The following HOXA10 variants were observed in gnomAD, a reference collection of about 807,000 sequenced individuals.
The protein encoded by HOXA10 is homeobox A10.
In HOXA10, 12 loss-of-function variants were observed where a neutral mutation model predicts 29.7. The observed-to-expected ratio is 0.40, with a 90% confidence interval of 0.26 to 0.65. The LOEUF is 0.65. Among genes scored for constraint, HOXA10 ranks in the 30% least tolerant of loss-of-function variants. The pLI is 0.37. For missense variants in HOXA10, 656 were observed against 585.9 expected (o/e 1.12, Z -1.24); for synonymous variants, 327 against 280.7 (o/e 1.16, Z -1.65).
upstream of HOXA10, among the ~76,000 whole-genome samples, chr7:27,177,616 A>G (rs1249196137): frequency 6.6e-6 from 1 of 152,212 alleles, no homozygotes; most frequent in Non-Finnish European, 1.5e-5. Flanking sequence ...CTGGAGTGTT[A>G]GGTTTCTCAA....
Position 27,179,522 on chromosome 7 carries a change from G to C in HOXA10, c.10+124C>G, listed in dbSNP as rs994875647. On this transcript the variant is annotated intron_variant, in intron 1 of 1. Transcript: ENST00000396344. ...CTTTCCAACCTTAGGGAGCAATGGG[G>C]TGGGGGCTCCCTACCGCGTCACCCC... is the stretch of plus-strand genomic sequence containing the variant. 72 of 707,226 alleles carry C rather than the reference G, an allele frequency of 1.0e-4. No individual in the cohort carries two copies. In the Admixed American group the frequency reaches 1.4e-3, roughly 14 times the overall value. 43.8% of individuals were successfully genotyped at this position (707,226 alleles called of 1,614,324 possible).
chr7:27,173,537 G>C lies in HOXA10; in HGVS notation c.770C>G (p.Ala257Gly), dbSNP rs1361411237. 1.4e-6 allele frequency: 2 copies of C among 1,454,188 alleles called. No homozygotes were observed. The highest frequency in any genetic ancestry group is 3.0e-5 in the African/African-American group (2 of 66,962). 90.1% of individuals were successfully genotyped at this position (1,454,188 alleles called of 1,614,324 possible). A position where few individuals can be genotyped will look rare whatever the true frequency, so the allele number is the denominator to read the frequency against. Reference protein sequence around the residue: ...GRGFDLPPALASGSADAARKE... With the variant: ...GRGFDLPPALGSGSADAARKE... ...CCGGGCCGCATCGGCCGAGCCGGAGGCTAGCGCGGGCGGGAGATCGAAACC... is the reference window on the plus strand; with the variant it reads ...CCGGGCCGCATCGGCCGAGCCGGAGCCTAGCGCGGGCGGGAGATCGAAACC... The change falls in exon 1 of 2, where the codon GCC becomes GGC. Residue 257 changes from alanine (A) to glycine (G), a missense_variant. By Grantham distance (60) the Ala-to-Gly change is moderately conservative (BLOSUM62 0). Coordinates refer to ENST00000283921, the MANE Select transcript of HOXA10 (RefSeq NM_018951.4).
chr7:27,172,320 G>A, intron 1 of HOXA10, 147 bp from the exon 2 acceptor site: 1 of 763,746 alleles, frequency 1.3e-6, no homozygotes, highest in South Asian at 1.6e-5. Context: ...CTTGCTGAGA[G>A]CAAGCAGTTC....
chr7:27,176,792 G>A (rs939753456), upstream of HOXA10, among the ~76,000 whole-genome samples: 1 of 152,214 alleles, frequency 6.6e-6, no homozygotes. Flanking sequence ...AAAAGACAAT[G>A]ATCTTAACCT....
upstream of HOXA10, among the ~76,000 whole-genome samples, chr7:27,175,770 G>T (rs192320434): frequency 6.6e-6 from 1 of 152,354 alleles, no homozygotes; most frequent in Admixed American, 6.5e-5. Flanking sequence ...GTCGGAGCTG[G>T]CATTACTGAA....
upstream of HOXA10, among the ~76,000 whole-genome samples, chr7:27,178,906 T>G (rs1783701681): frequency 6.6e-6 from 1 of 152,168 alleles, no homozygotes; most frequent in Non-Finnish European, 1.5e-5. Flanking sequence ...CCCAATGGAG[T>G]GATTGCTCCG....
In HOXA10 at chr7:27,174,018, C is replaced by T. The variant is rs770451301; in HGVS notation, c.289G>A (p.Gly97Ser). ...GGACCTAGACCCCCGCCACCGCCAC[C>T]GCTGCCCGGCGACGCTGCCTCATTG... ...KRNEAASPGS[G>S]GGGGGLGPGA... Residue 97 changes from glycine (G) to serine (S), a missense_variant, in exon 1 of 2, where the codon GGT becomes AGT. By Grantham distance (56) the Gly-to-Ser change is moderately conservative (BLOSUM62 0). Around this residue, in one of 2 missense-constraint regions of HOXA10, gnomAD observed 594 missense variants for 491.9 expected, o/e 1.21. Transcript: ENST00000283921. The T allele has an allele frequency of 1.3e-6, 2 of 1,529,110 alleles. No homozygotes were observed. Among genetic ancestry groups the T allele is most frequent in the South Asian group, 2.4e-5 (2 of 83,610 alleles). The allele number at this position is 1,529,110 out of a possible 1,614,324, so 94.7% of individuals were successfully genotyped here. A position where few individuals can be genotyped will look rare whatever the true frequency, so the allele number is the denominator to read the frequency against.
chr7:27,172,194 G>T (rs747149021), intron 1 of HOXA10, 21 bp from the exon 2 acceptor site: 23 of 1,612,986 alleles, frequency 1.4e-5, no homozygotes, highest in Non-Finnish European at 1.7e-5. Context: ...AGAGAATAAA[G>T]AGGGGATGAT....
At chr7:27,175,755 C>T (rs1264030394), upstream of HOXA10, among the ~76,000 whole-genome samples, 1 of 152,238 alleles carries the variant, frequency 6.6e-6, no homozygotes, top group Admixed American at 6.5e-5. Flanking sequence ...GCCCCTCCGG[C>T]CCCAGTCGGA....
At position 27,171,858 on chromosome 7, in the gene HOXA10, A is replaced by T. The variant is rs531741488; in HGVS notation, c.*41T>A. 241 of 1,610,760 alleles carry T rather than the reference A, an allele frequency of 1.5e-4. 4 individuals carry two copies. The South Asian group carries it at 2.6e-3, about 17-fold the overall frequency. ...AGCCTGAAGACAGAGGGAGGGGACC[A>T]GCGCTCGGGAAGTGAAAAAACCGCG... On this transcript the variant is annotated 3_prime_UTR_variant, in exon 2 of 2. Coordinates refer to ENST00000283921, the MANE Select transcript of HOXA10 (RefSeq NM_018951.4).
Position 27,171,078 on chromosome 7 carries a change from C to T in HOXA10, c.*821G>A. ...TAACAATTTTAATGACAAAAAAATC[C>T]ACTAATTCCAAATGCATAAACAAAA... On this transcript the variant is annotated 3_prime_UTR_variant, in exon 2 of 2. Coordinates refer to ENST00000283921, the MANE Select transcript of HOXA10 (RefSeq NM_018951.4). 1 of 449,508 alleles carries T rather than the reference C, an allele frequency of 2.2e-6. No homozygotes were observed. The highest frequency in any genetic ancestry group is 4.4e-6 in the Non-Finnish European group (1 of 225,408). The allele number at this position is 449,508 out of a possible 1,614,324, so 27.8% of individuals were successfully genotyped here.
upstream of HOXA10, among the ~76,000 whole-genome samples, chr7:27,175,911 C>A (rs1783647944): frequency 6.6e-6 from 1 of 152,232 alleles, no homozygotes. Flanking sequence ...GAAGAGGAGC[C>A]TGAGAGGACC....
At position 27,173,505 on chromosome 7, in the gene HOXA10, G is replaced by T. The variant is rs545526286; in HGVS notation, c.802C>A (p.Arg268=). ...SGSADAARKE[R]ALDSPPPPTL... Reference sequence around the variant, plus strand: ...GGGGGCGGCGGCGAATCGAGGGCTCGCTCCTTCCGGGCCGCATCGGCCGAG... The same window carrying T: ...GGGGGCGGCGGCGAATCGAGGGCTCTCTCCTTCCGGGCCGCATCGGCCGAG... Residue 268 remains arginine (R), a synonymous_variant, in exon 1 of 2, where the codon CGA becomes AGA. Coordinates refer to ENST00000283921, the MANE Select transcript of HOXA10 (RefSeq NM_018951.4). The T allele has an allele frequency of 1.1e-4, 161 of 1,503,080 alleles. No individual in the cohort carries two copies. In the African/African-American group the frequency reaches 2.2e-3, roughly 21 times the overall value. 93.1% of individuals were successfully genotyped at this position (1,503,080 alleles called of 1,614,324 possible). A position where few individuals can be genotyped will look rare whatever the true frequency, so the allele number is the denominator to read the frequency against.
At chr7:27,175,515 T>C (rs1212907178), upstream of HOXA10, among the ~76,000 whole-genome samples, 1 of 152,192 alleles carries the variant, frequency 6.6e-6, no homozygotes, top group African/African-American at 2.4e-5. Context: ...GCTGGGCTCA[T>C]GGTCCTGTTA....
At chr7:27,173,254 C>T (rs1783549975) in intron 1 of HOXA10, 95 bp downstream of exon 1, 12 of 1,566,346 alleles carry the variant, frequency 7.7e-6, no homozygotes, top group Non-Finnish European at 1.0e-5. Context: ...CCAAGGCCGG[C>T]CGGCTGCTGC....
At chr7:27,176,364 G>T (rs1362687226), upstream of HOXA10, among the ~76,000 whole-genome samples, 2 of 152,218 alleles carry the variant, frequency 1.3e-5, no homozygotes, top group Non-Finnish European at 2.9e-5. Flanking sequence ...TACCCTCTAG[G>T]CCCATGAGAC....
chr7:27,173,654 T>A lies in HOXA10; in HGVS notation c.653A>T (p.Gln218Leu). The A allele has an allele frequency of 6.5e-7, 1 of 1,547,898 alleles. No homozygotes were observed. Among genetic ancestry groups the A allele is most frequent in the Non-Finnish European group, 8.7e-7 (1 of 1,146,018 alleles). The change falls in exon 1 of 2, where the codon CAG becomes CTG. Residue 218 changes from glutamine (Q) to leucine (L), a missense_variant. Physicochemically the swap from Gln to Leu is moderately radical, Grantham distance 113 (BLOSUM62 -2). This residue lies in a region of HOXA10 where 594 missense variants were observed against 491.9 expected (regional missense o/e 1.21). Transcript: ENST00000283921. Reference protein sequence around the residue: ...VPVPGYFRLSQAYGTAKGYGS... With the variant: ...VPVPGYFRLSLAYGTAKGYGS... Reference sequence around the variant, plus strand: ...ATAGCCCTTGGCGGTGCCGTAGGCCTGAGAAAGGCGGAAGTAGCCAGGCAC... The same window carrying A: ...ATAGCCCTTGGCGGTGCCGTAGGCCAGAGAAAGGCGGAAGTAGCCAGGCAC...
In HOXA10 at chr7:27,171,257, G is replaced by A. The variant is rs569252324; in HGVS notation, c.*642C>T. On this transcript the variant is annotated 3_prime_UTR_variant, in exon 2 of 2. Transcript: ENST00000283921. ...CTTTTTAAAGCTGGGATATCTTACA[G>A]AGGAAGGAAAAATTAACCTTTTTTA... is the stretch of plus-strand genomic sequence containing the variant. The A allele has an allele frequency of 1.1e-5, 5 of 454,076 alleles. No individual in the cohort carries two copies. In the Admixed American group the frequency reaches 1.2e-4, roughly 11 times the overall value. The allele number at this position is 454,076 out of a possible 1,614,324, so 28.1% of individuals were successfully genotyped here.
In HOXA10 at chr7:27,171,665, C is replaced by A; in HGVS notation, c.*234G>T. 2 of 679,050 alleles carry A rather than the reference C, an allele frequency of 2.9e-6. No individual in the cohort carries two copies. The highest frequency in any genetic ancestry group is 5.4e-6 in the Non-Finnish European group (2 of 371,544). The allele number at this position is 679,050 out of a possible 1,614,324, so 42.1% of individuals were successfully genotyped here. On this transcript the variant is annotated 3_prime_UTR_variant, in exon 2 of 2. Coordinates refer to ENST00000283921, the MANE Select transcript of HOXA10 (RefSeq NM_018951.4). The stretch of plus-strand genomic sequence containing the variant: ...AATATCTATCTCTATAGAATTTTAG[C>A]ATGATATGGCTTTTTCCCCCAGAAA...
Sources: gnomAD v4.1 joint callset for allele counts (sites outside exome capture counted in the v4.1 genomes callset) on GRCh38, gnomAD v4.1.1 for gene constraint, gnomAD v4.1.1 regional missense constraint, MANE v1.5 for transcripts, NCBI Gene and HGNC (gene_info 2026-07-23, HGNC 2026-07-21) for gene names.